ZNF420: variants seen among roughly 807,000 people sequenced by gnomAD.
The protein encoded by ZNF420 is ATM and p53-associated KZNF protein.
ZNF420 carries 31 observed loss-of-function variants against 44.7 expected under a neutral mutation model. The ratio of observed to expected loss-of-function variants is 0.69; its 90% CI spans 0.52 to 0.94. ZNF420 has a LOEUF of 0.94. Among genes scored for constraint, ZNF420 ranks in the 40% least tolerant of loss-of-function variants. The pLI, the probability that ZNF420 is intolerant of heterozygous loss-of-function variation, is 0.00. For synonymous variants in ZNF420, 245 were observed against 267.4 expected (o/e 0.92, Z 0.82); for missense variants, 681 against 827.9 (o/e 0.82, Z 2.18).
rs941734255 is a variant in ZNF420, at chr19:37,079,792, G to A, written c.-124-553G>A. 2.0e-5 allele frequency among the ~76,000 whole-genome samples: 3 copies of A among 152,160 alleles called. No individual in the cohort carries two copies. In the South Asian group the frequency reaches 6.2e-4, roughly 32 times the overall value. The stretch of plus-strand genomic sequence containing the variant: ...CCCAGCGCTTTGGGAGGCAGAGGCG[G>A]GTGGATTACCTGAGGTCATGGTTTC... On this transcript the variant is annotated intron_variant, in intron 1 of 4. Transcript: ENST00000337995.
intron 4 of ZNF420, among the ~76,000 whole-genome samples, chr19:37,116,077 C>T (rs1970664627): frequency 6.6e-6 from 1 of 152,136 alleles, no homozygotes; most frequent in South Asian, 2.1e-4. Flanking sequence ...AGGAATTTTT[C>T]TTAGTACAGA....
chr19:37,020,019 C>A (rs1310988408), intron 1 of ZNF420, among the ~76,000 whole-genome samples: 1 of 152,014 alleles, frequency 6.6e-6, no homozygotes, highest in Non-Finnish European at 1.5e-5. Context: ...AGATCGAGAA[C>A]ATCCTGGCTA....
intron 1 of ZNF420, among the ~76,000 whole-genome samples, chr19:37,024,437 C>T (rs2146388053): frequency 6.6e-6 from 1 of 151,974 alleles, no homozygotes; most frequent in South Asian, 2.1e-4. Context: ...TTTGGGTTCA[C>T]AAAGGGATTT....
At chr19:37,010,461 G>C (rs1320026998) in intron 1 of ZNF420, among the ~76,000 whole-genome samples, 1 of 152,044 alleles carries the variant, frequency 6.6e-6, no homozygotes, top group Non-Finnish European at 1.5e-5. Context: ...GCAGCCTCAG[G>C]GGTTGCCTGG....
At chr19:37,025,492 T>C (rs977638213) in intron 1 of ZNF420, among the ~76,000 whole-genome samples, 1 of 151,980 alleles carries the variant, frequency 6.6e-6, no homozygotes. Context: ...GCAACAGAAT[T>C]AAGTTCCTTT....
intron 4 of ZNF420, among the ~76,000 whole-genome samples, chr19:37,117,199 C>T (rs1468610833): frequency 1.3e-5 from 2 of 152,160 alleles, no homozygotes; most frequent in Non-Finnish European, 2.9e-5. Flanking sequence ...CTGGGAGGCA[C>T]CCCCCAGTAG....
Position 37,130,357 on chromosome 19 carries a change from A to C in ZNF420, c.*1299A>C, listed in dbSNP as rs1971598110. The stretch of plus-strand genomic sequence containing the variant: ...TCTGTTATTGACAATAAAAATTCTT[A>C]AGGATATAAAATTTTGTACCTGGAA... On this transcript the variant is annotated 3_prime_UTR_variant, in exon 5 of 5. Transcript: ENST00000337995. The C allele has an allele frequency of 7.8e-7, 1 of 1,275,692 alleles. No individual in the cohort carries two copies. The highest frequency in any genetic ancestry group is 3.0e-5 in the East Asian group (1 of 33,388). The allele number at this position is 1,275,692 out of a possible 1,614,324, so 79.0% of individuals were successfully genotyped here.
intron 1 of ZNF420, among the ~76,000 whole-genome samples, chr19:37,054,373 A>C (rs1411536192): frequency 6.6e-6 from 1 of 152,230 alleles, no homozygotes; most frequent in African/African-American, 2.4e-5. Context: ...TCCTGCACCC[A>C]CTTTCTGACA....
At chr19:37,082,001 G>A (rs1400114101) in intron 2 of ZNF420, among the ~76,000 whole-genome samples, 1 of 152,018 alleles carries the variant, frequency 6.6e-6, no homozygotes, top group African/African-American at 2.4e-5. Flanking sequence ...GATATTTAAT[G>A]TAGCCATTCC....
intron 4 of ZNF420, among the ~76,000 whole-genome samples, chr19:37,094,390 T>C (rs1365026333): frequency 1.3e-5 from 2 of 152,210 alleles, no homozygotes; most frequent in Non-Finnish European, 2.9e-5. Flanking sequence ...GTACAGTATT[T>C]ATTTATTTTT....
At chr19:37,010,804 G>T (rs1199618760) in intron 1 of ZNF420, among the ~76,000 whole-genome samples, 2 of 152,072 alleles carry the variant, frequency 1.3e-5, no homozygotes, top group Non-Finnish European at 2.9e-5. Context: ...ATCCTGAGCG[G>T]CCTCTTTTCT....
At chr19:37,094,182 G>T (rs1724708927) in intron 4 of ZNF420, among the ~76,000 whole-genome samples, 1 of 152,062 alleles carries the variant, frequency 6.6e-6, no homozygotes, top group African/African-American at 2.4e-5. Context: ...TATTATCTGA[G>T]AATTTTTTTT....
At chr19:37,093,734 G>A (rs2146554487) in intron 4 of ZNF420, among the ~76,000 whole-genome samples, 1 of 152,304 alleles carries the variant, frequency 6.6e-6, no homozygotes, top group East Asian at 1.9e-4. Flanking sequence ...TTATATGATT[G>A]CATTTATATG....
At chr19:37,092,706 T>G (rs1429615605) in intron 4 of ZNF420, 1 of 146,248 alleles carries the variant, frequency 6.8e-6, no homozygotes, top group African/African-American at 2.6e-5. Context: ...AGAGGGAGAC[T>G]CTGTCTCAAA....
intron 1 of ZNF420, among the ~76,000 whole-genome samples, chr19:37,030,247 C>T (rs111235665): frequency 0.24 from 35,743 of 152,022 alleles, 4,904 homozygotes; most frequent in Non-Finnish European, 0.32. Context: ...CTGCAACCTC[C>T]GCCTCCCGGG....
chr19:37,031,904 T>C (rs897581442), intron 1 of ZNF420, among the ~76,000 whole-genome samples: 8 of 152,212 alleles, frequency 5.3e-5, no homozygotes, highest in African/African-American at 1.9e-4. Flanking sequence ...GTTTCTGCAT[T>C]CTATTAAAAC....
chr19:37,106,396 T>G (rs1970087008), intron 4 of ZNF420, among the ~76,000 whole-genome samples: 1 of 152,250 alleles, frequency 6.6e-6, no homozygotes, highest in South Asian at 2.1e-4. Flanking sequence ...AACTTTTTGA[T>G]GTGCTGCTGG....
intron 1 of ZNF420, among the ~76,000 whole-genome samples, chr19:37,050,658 A>C (rs1967622095): frequency 6.6e-6 from 1 of 152,202 alleles, no homozygotes; most frequent in African/African-American, 2.4e-5. Flanking sequence ...TGTCATCTGC[A>C]AACAGGGACA....
chr19:37,020,817 T>C (rs2074642981), intron 1 of ZNF420, among the ~76,000 whole-genome samples: 1 of 152,186 alleles, frequency 6.6e-6, no homozygotes, highest in Non-Finnish European at 1.5e-5. Context: ...ATTCCACTTA[T>C]ATGAGGTACT....
Sources: allele counts gnomAD v4.1 joint callset (sites outside exome capture counted in the v4.1 genomes callset), GRCh38; gene constraint gnomAD v4.1.1; transcripts MANE v1.5; gene names NCBI Gene and HGNC (gene_info 2026-07-23, HGNC 2026-07-21).